The following LRSAM1 variants were observed in gnomAD, a reference collection of about 807,000 sequenced individuals.
The protein encoded by LRSAM1 is leucine rich repeat and sterile alpha motif containing 1, also known as E3 ubiquitin-protein ligase LRSAM1.
In LRSAM1, 96 loss-of-function variants were observed where a neutral mutation model predicts 118.1. The observed-to-expected ratio is 0.81, with a 90% CI of 0.69 to 0.96. The LOEUF is 0.96. Among genes scored for constraint, LRSAM1 ranks in the 40% least tolerant of loss-of-function variants. LRSAM1 has a pLI of 0.00. For missense variants in LRSAM1, 804 were observed against 915.5 expected (o/e 0.88, Z 1.57); for synonymous variants, 322 against 364.2 (o/e 0.88, Z 1.32).
chr9:127,477,030 A>G (rs749497603), intron 11 of LRSAM1, among the ~76,000 whole-genome samples: 10 of 152,258 alleles, frequency 6.6e-5, no homozygotes, highest in Non-Finnish European at 1.3e-4. Context: ...CTATGCATAT[A>G]TAAAGATTCA....
At chr9:127,451,502 C>G, upstream of LRSAM1, 1 of 697,434 alleles carries the variant, frequency 1.4e-6, no homozygotes, top group South Asian at 1.8e-5. Context: ...GCCCTTGTCG[C>G]CATGTTTGTT....
chr9:127,485,362 C>T (rs894362370), intron 16 of LRSAM1, among the ~76,000 whole-genome samples: 1 of 151,938 alleles, frequency 6.6e-6, no homozygotes, highest in African/African-American at 2.4e-5. Context: ...TCGAGACCAT[C>T]CTGGCTAACA....
At position 127,454,562 on chromosome 9, in the gene LRSAM1, A is replaced by T; in HGVS notation, c.35A>T (p.Glu12Val). ...TTCTTCCGGAAGCGGAAACCCAGTG[A>T]GGAGGCTCGGAAACGCCTGGAGTAC... The part of the protein sequence containing the change: ...PLFFRKRKPS[E>V]EARKRLEYQM... The change falls in exon 3 of 26, where the codon GAG becomes GTG. Residue 12 changes from glutamate (E) to valine (V), a missense_variant. Physicochemically the swap from Glu to Val is moderately radical, Grantham distance 121. Coordinates refer to ENST00000300417, the MANE Select transcript of LRSAM1 (RefSeq NM_001005373.4). 1 of 1,614,148 alleles carries T rather than the reference A, an allele frequency of 6.2e-7. No homozygotes were observed. The highest frequency in any genetic ancestry group is 1.3e-5 in the African/African-American group (1 of 75,036).
intron 6 of LRSAM1, among the ~76,000 whole-genome samples, chr9:127,458,466 G>C (rs1834612992): frequency 6.6e-6 from 1 of 151,540 alleles, no homozygotes; most frequent in African/African-American, 2.4e-5. Context: ...TGTAATCCCA[G>C]CTACTTGGGA....
intron 9 of LRSAM1, 109 bp downstream of exon 9, chr9:127,462,482 A>C: frequency 6.4e-7 from 1 of 1,561,314 alleles, no homozygotes; most frequent in Non-Finnish European, 8.8e-7. Context: ...GGCCACACAG[A>C]GATCCCAAGG....
chr9:127,474,562 G>A (rs1219581379), intron 11 of LRSAM1, among the ~76,000 whole-genome samples: 1 of 152,182 alleles, frequency 6.6e-6, no homozygotes, highest in African/African-American at 2.4e-5. Context: ...AAATTGATGA[G>A]GAACTCTATG....
At chr9:127,466,504 AT>A (rs869115663) in intron 9 of LRSAM1, among the ~76,000 whole-genome samples, 51 of 24,430 alleles carry the variant, frequency 2.1e-3, no homozygotes, top group East Asian at 4.9e-3. Flanking sequence ...ATATATATAT[AT>A]TTTTTTTTTT....
At chr9:127,462,194 G>T (rs969630248) in intron 8 of LRSAM1, 58 bp from the exon 9 acceptor site, 73 of 1,610,762 alleles carry the variant, frequency 4.5e-5, no homozygotes, top group Non-Finnish European at 5.6e-5. Context: ...CGGGCATCAG[G>T]CAGGAAGCTG....
At chr9:127,470,319 GGAGA>G (rs1348671602) in intron 10 of LRSAM1, among the ~76,000 whole-genome samples, 1 of 152,056 alleles carries the variant, frequency 6.6e-6, no homozygotes, top group African/African-American at 2.4e-5. Flanking sequence ...CAGGGCAGCA[GGAGA>G]GAGAATTAGT....
At position 127,474,057 on chromosome 9, in the gene LRSAM1, A is replaced by G. The variant is rs1398878183; in HGVS notation, c.750+126A>G. 4.1e-6 allele frequency: 6 copies of G among 1,461,180 alleles called. No homozygotes were observed. The African/African-American group carries it at 8.4e-5, about 20-fold the overall frequency. 90.5% of individuals were successfully genotyped at this position (1,461,180 alleles called of 1,614,324 possible). A position where few individuals can be genotyped will look rare whatever the true frequency, so the allele number is the denominator to read the frequency against. On this transcript the variant is annotated intron_variant, in intron 11 of 25. Coordinates refer to ENST00000300417, the MANE Select transcript of LRSAM1 (RefSeq NM_001005373.4). ...CTGCAGCTCCCAGATTCCTCCATAG[A>G]ACTAGAACTGGCCTCCTGACGAGTT...
intron 16 of LRSAM1, among the ~76,000 whole-genome samples, chr9:127,484,024 G>A (rs1006927792): frequency 6.6e-6 from 1 of 151,992 alleles, no homozygotes; most frequent in Non-Finnish European, 1.5e-5. Context: ...ACCATCCATC[G>A]CCAGAACTTT....
At chr9:127,479,691 C>A in intron 13 of LRSAM1, 148 bp from the exon 14 acceptor site, 2 of 1,321,824 alleles carry the variant, frequency 1.5e-6, no homozygotes, top group Non-Finnish European at 1.0e-6. Context: ...CAGATGGACA[C>A]TGTAGCCTAC....
chr9:127,484,796 ATTTTTCTT>A (rs1835666540), intron 16 of LRSAM1, among the ~76,000 whole-genome samples: 2 of 107,486 alleles, frequency 1.9e-5, no homozygotes, highest in South Asian at 5.4e-4. Flanking sequence ...TAATTTTTTG[ATTTTTCTT>A]TTTTTCTTTT....
rs1171572511 is a variant in LRSAM1, at chr9:127,458,389, AAAAACAAAAC to A, written c.253-589_253-580del. On this transcript the variant is annotated intron_variant, in intron 6 of 25. Coordinates refer to ENST00000300417, the MANE Select transcript of LRSAM1 (RefSeq NM_001005373.4). ...GGGCGACAGAGCGAGACTTCGTCTC[AAAAACAAAAC>A]AAAACAAAACAAAACAAAACAAAAA... Among the ~76,000 whole-genome samples, 33 of 144,726 alleles carry A rather than the reference AAAAACAAAAC, an allele frequency of 2.3e-4. 1 individual carries two copies. The highest frequency in any genetic ancestry group is 2.2e-3 in the South Asian group (10 of 4,612). 94.9% of individuals were successfully genotyped at this position (144,726 alleles called of 152,430 possible). A position where few individuals can be genotyped will look rare whatever the true frequency, so the allele number is the denominator to read the frequency against.
intron 16 of LRSAM1, among the ~76,000 whole-genome samples, chr9:127,484,646 G>A (rs990838917): frequency 1.8e-4 from 28 of 151,542 alleles, no homozygotes; most frequent in African/African-American, 6.5e-4. Flanking sequence ...CAGGTGAGCC[G>A]CCATGTCCAG....
At chr9:127,461,400 G>T (rs1834740398) in intron 8 of LRSAM1, 143 bp downstream of exon 8, 1 of 667,908 alleles carries the variant, frequency 1.5e-6, no homozygotes, top group Non-Finnish European at 2.7e-6. Context: ...ACTGACCCCT[G>T]CTGGGTCAGC....
chr9:127,480,597 C>A (rs1302145826), intron 14 of LRSAM1, among the ~76,000 whole-genome samples: 2 of 152,208 alleles, frequency 1.3e-5, no homozygotes, highest in Non-Finnish European at 2.9e-5. Context: ...GTTCAGGAAA[C>A]CAGTCATTTG....
At position 127,479,900 on chromosome 9, in the gene LRSAM1, A is replaced by G. The variant is rs56380300; in HGVS notation, c.965A>G (p.Gln322Arg). The G allele has an allele frequency of 4.9e-3, 7,900 of 1,611,996 alleles. 42 individuals carry two copies. Among genetic ancestry groups the G allele is most frequent in the South Asian group, 8.3e-3 (755 of 91,002 alleles). The change falls in exon 14 of 26, where the codon CAG (glutamine) becomes CGG (arginine). Residue 322 changes from glutamine to arginine, a missense_variant. Physicochemically the swap from Gln to Arg is conservative, Grantham distance 43. Transcript: ENST00000300417. ...CAGCGCCACCTCAACGCAGAGCGGC[A>G]GCGGCTGCAGGAGCAGCTGAAGCAG... ...EHQRHLNAERQRLQEQLKQTE... is the reference protein window; with the variant it reads ...EHQRHLNAERRRLQEQLKQTE...
chr9:127,461,229 G>T lies in LRSAM1; in HGVS notation c.378G>T (p.Leu126=). ...LMQLPRSIGN[L]TQLQTLNVKD... ...AGCTCCCACGTTCCATTGGGAACCT[G>T]ACCCAGCTCCAGACTCTCAATGTTA... The change falls in exon 8 of 26, where the codon CTG becomes CTT. Residue 126 remains leucine (L), a synonymous_variant. Coordinates refer to ENST00000300417, the MANE Select transcript of LRSAM1 (RefSeq NM_001005373.4). 2 of 1,612,298 alleles carry T rather than the reference G, an allele frequency of 1.2e-6. No individual in the cohort carries two copies. The highest frequency in any genetic ancestry group is 2.2e-5 in the South Asian group (2 of 91,018).
Sources: allele counts gnomAD v4.1 joint callset (sites outside exome capture counted in the v4.1 genomes callset), GRCh38; gene constraint gnomAD v4.1.1; transcripts MANE v1.5; gene names NCBI Gene and HGNC (gene_info 2026-07-23, HGNC 2026-07-21).